Variants in DRAM1 observed in about 807,000 individuals in gnomAD.
DRAM1 encodes the protein DNA damage regulated autophagy modulator 1, also known as DNA damage-regulated autophagy modulator protein 1.
A neutral mutation model predicts 28.5 loss-of-function variants in DRAM1; 25 were observed. That is an observed-to-expected ratio of 0.88 (90% confidence interval 0.64 to 1.23). The LOEUF (loss-of-function observed/expected upper bound fraction) is 1.23, where lower values mean the gene tolerates loss of function less well. Ranked by LOEUF, DRAM1 falls within the 50% of genes most tolerant of loss-of-function variation. The pLI, the probability that DRAM1 is intolerant of heterozygous loss-of-function variation, is 0.00. For synonymous variants in DRAM1, 113 were observed against 114.2 expected, an observed-to-expected ratio of 0.99 and a Z score of 0.07; for missense variants, 249 against 299.2, an observed-to-expected ratio of 0.83 and a Z score of 1.24.
At chr12:101,878,069 G>A (rs1222785262) in intron 1 of DRAM1, 149 bp downstream of exon 1, 22 of 1,164,182 alleles carry the variant, frequency 1.9e-5, no homozygotes, top group Non-Finnish European at 2.5e-5. Flanking sequence ...GCTCCCGATA[G>A]CCTGGGATGT....
At chr12:101,892,549 G>A (rs1873178752) in intron 1 of DRAM1, among the ~76,000 whole-genome samples, 2 of 151,780 alleles carry the variant, frequency 1.3e-5, no homozygotes, top group South Asian at 4.1e-4. Context: ...GAGCTAATGT[G>A]CGCCCAGCCT....
intron 5 of DRAM1, among the ~76,000 whole-genome samples, chr12:101,916,516 A>G (rs1874248581): frequency 6.6e-6 from 1 of 152,182 alleles, no homozygotes; most frequent in Non-Finnish European, 1.5e-5. Context: ...GACATTTTGG[A>G]CCAAGCATCA....
chr12:101,882,792 A>G (rs1160921075), intron 1 of DRAM1, among the ~76,000 whole-genome samples: 1 of 149,758 alleles, frequency 6.7e-6, no homozygotes, highest in Non-Finnish European at 1.5e-5. Context: ...ATCTATGGAA[A>G]TGACAGATAC....
chr12:101,906,400 C>T (rs779123112), intron 3 of DRAM1, among the ~76,000 whole-genome samples: 11 of 152,142 alleles, frequency 7.2e-5, no homozygotes, highest in Non-Finnish European at 1.3e-4. Context: ...GTGTGTTCAC[C>T]GTGAGCTGAG....
intron 4 of DRAM1, among the ~76,000 whole-genome samples, chr12:101,911,282 C>T (rs188062525): frequency 6.6e-6 from 1 of 152,314 alleles, no homozygotes; most frequent in Admixed American, 6.5e-5. Context: ...TTTCTTCTTA[C>T]TGCAGTATTT....
intron 4 of DRAM1, among the ~76,000 whole-genome samples, chr12:101,911,946 C>A (rs187888232): frequency 6.6e-6 from 1 of 152,234 alleles, no homozygotes; most frequent in East Asian, 1.9e-4. Context: ...CGCCTGTAAT[C>A]CCAGCATTTT....
In DRAM1 at chr12:101,919,088, AT is replaced by A. The variant is rs1035410181; in HGVS notation, c.580-1012del. Among the ~76,000 whole-genome samples the A allele has an allele frequency of 2.6e-3, 384 of 150,354 alleles. 1 individual carries two copies. Among genetic ancestry groups the A allele is most frequent in the African/African-American group, 8.7e-3 (355 of 40,940 alleles). On this transcript the variant is annotated intron_variant, in intron 5 of 6. Transcript: ENST00000258534. ...AGGCGCAGGCCACCCCACCCAGCTA[AT>A]TTTTTTTTGTCTCGTTATGTTGCCC...
intron 1 of DRAM1, among the ~76,000 whole-genome samples, chr12:101,886,920 C>T (rs756721827): frequency 1.6e-4 from 24 of 151,964 alleles, no homozygotes; most frequent in Non-Finnish European, 2.5e-4. Context: ...CTGAGGTGGG[C>T]GGATCACTTG....
chr12:101,880,445 C>T (rs1294820817), intron 1 of DRAM1, among the ~76,000 whole-genome samples: 1 of 151,936 alleles, frequency 6.6e-6, no homozygotes, highest in Non-Finnish European at 1.5e-5. Flanking sequence ...TGCCACCACG[C>T]CCAGCTAATA....
intron 5 of DRAM1, 175 bp from the exon 6 acceptor site, chr12:101,919,934 T>C (rs1270392255): frequency 2.4e-6 from 1 of 409,810 alleles, no homozygotes. Flanking sequence ...GCATTCTCAG[T>C]GGGCAGGTGC....
intron 4 of DRAM1, among the ~76,000 whole-genome samples, chr12:101,911,253 C>T (rs537642565): frequency 1.1e-4 from 17 of 152,222 alleles, no homozygotes; most frequent in African/African-American, 4.1e-4. Flanking sequence ...GAGTTGAAAG[C>T]ATCTTTAAAA....
chr12:101,890,845 G>A (rs1873096013), intron 1 of DRAM1, among the ~76,000 whole-genome samples: 1 of 150,944 alleles, frequency 6.6e-6, no homozygotes, highest in African/African-American at 2.4e-5. Context: ...CCACTTCCCG[G>A]GTTCAAGCGA....
At chr12:101,911,543 T>C (rs1266773854) in intron 4 of DRAM1, among the ~76,000 whole-genome samples, 1 of 152,220 alleles carries the variant, frequency 6.6e-6, no homozygotes, top group Non-Finnish European at 1.5e-5. Flanking sequence ...TTGTTTGTTG[T>C]CCTCTGTTTT....
At chr12:101,904,934 A>G (rs1045636149) in intron 3 of DRAM1, among the ~76,000 whole-genome samples, 1 of 152,102 alleles carries the variant, frequency 6.6e-6, no homozygotes, top group Non-Finnish European at 1.5e-5. Context: ...TCGCTCCTTC[A>G]CCTAAGCTGG....
intron 1 of DRAM1, among the ~76,000 whole-genome samples, chr12:101,883,719 C>T (rs1022680068): frequency 5.9e-5 from 9 of 151,698 alleles, no homozygotes; most frequent in South Asian, 4.2e-4. Context: ...AGGCGGATCA[C>T]GAGGTCAAGA....
chr12:101,878,812 GT>G (rs2120990883), intron 1 of DRAM1, among the ~76,000 whole-genome samples: 1 of 152,150 alleles, frequency 6.6e-6, no homozygotes, highest in South Asian at 2.1e-4. Context: ...GACACCCAAG[GT>G]TTGTTACTGC....
At chr12:101,916,828 A>G (rs1437844472) in intron 5 of DRAM1, among the ~76,000 whole-genome samples, 2 of 152,198 alleles carry the variant, frequency 1.3e-5, no homozygotes, top group Non-Finnish European at 2.9e-5. Context: ...TGGCCATGGG[A>G]TAGAGGATCC....
At chr12:101,887,851 G>A (rs1422137747) in intron 1 of DRAM1, among the ~76,000 whole-genome samples, 1 of 151,540 alleles carries the variant, frequency 6.6e-6, no homozygotes, top group African/African-American at 2.4e-5. Context: ...AATTTTTGAT[G>A]ACTTTTGCTT....
At chr12:101,911,459 C>G (rs1253090460) in intron 4 of DRAM1, among the ~76,000 whole-genome samples, 4 of 152,194 alleles carry the variant, frequency 2.6e-5, no homozygotes, top group South Asian at 2.1e-4. Context: ...GTCCAGGTTC[C>G]TCTGCATCAG....
Sources: allele counts gnomAD v4.1 joint callset (sites outside exome capture counted in the v4.1 genomes callset), GRCh38; gene constraint gnomAD v4.1.1; transcripts MANE v1.5; gene names NCBI Gene and HGNC (gene_info 2026-07-23, HGNC 2026-07-21).